Variants in ABCA4 observed in about 807,000 individuals in gnomAD.
ABCA4 encodes retinal-specific phospholipid-transporting ATPase ABCA4.
A neutral mutation model predicts 263.7 loss-of-function variants in ABCA4; 196 were observed. The ratio of observed to expected loss-of-function variants is 0.74; its 90% confidence interval spans 0.66 to 0.84. ABCA4 has a LOEUF of 0.84. Among genes scored for constraint, ABCA4 ranks in the 40% least tolerant of loss-of-function variants. The pLI is 0.00. For missense variants in ABCA4, 2,792 were observed against 2,855.1 expected (o/e 0.98, Z 0.50); for synonymous variants, 1,133 against 1,094.2 (o/e 1.04, Z -0.70).
At chr1:94,079,801 C>A (rs905483250) in intron 8 of ABCA4, among the ~76,000 whole-genome samples, 1 of 152,102 alleles carries the variant, frequency 6.6e-6, no homozygotes, top group Non-Finnish European at 1.5e-5. Context: ...CAAACAAGGC[C>A]CCCGCTTGGA....
chr1:94,002,660 G>A (rs553634141), intron 44 of ABCA4, among the ~76,000 whole-genome samples: 9 of 152,252 alleles, frequency 5.9e-5, no homozygotes, highest in East Asian at 1.9e-4. Flanking sequence ...CTAGTCCCCC[G>A]TGCCTGGAAT....
At chr1:94,005,382 C>T (rs770456874) in intron 44 of ABCA4, 59 bp downstream of exon 44, 196 of 1,608,300 alleles carry the variant, frequency 1.2e-4, no homozygotes, top group Non-Finnish European at 1.6e-4. Context: ...AATGCACTCT[C>T]ATGAAACAGG....
At chr1:94,094,215 CAA>C (rs1387735299) in intron 6 of ABCA4, among the ~76,000 whole-genome samples, 1 of 152,178 alleles carries the variant, frequency 6.6e-6, no homozygotes, top group Non-Finnish European at 1.5e-5. Flanking sequence ...AATCTGCAAC[CAA>C]TGACCCAGGA....
rs1338802362 is a variant in ABCA4, at chr1:94,046,986, T to C, written c.2851A>G (p.Ile951Val). 1.9e-6 allele frequency: 3 copies of C among 1,614,150 alleles called. No homozygotes were observed. Among genetic ancestry groups the C allele is most frequent in the South Asian group, 2.2e-5 (2 of 91,078 alleles). ...GTGATCTGGTTCTCGTAGAAGGTGA[T>C]GTTCAGACGGTCCACAGCTGGCCGG... ...CGRPAVDRLN[I>V]TFYENQITAF... The change falls in exon 19 of 50, where the codon ATC (isoleucine) becomes GTC (valine). Residue 951 changes from isoleucine (I) to valine (V), a missense_variant. Physicochemically the swap from Ile to Val is conservative, Grantham distance 29. Transcript: ENST00000370225.
intron 44 of ABCA4, 29 bp downstream of exon 44, chr1:94,005,412 C>T: frequency 6.2e-7 from 1 of 1,613,990 alleles, no homozygotes; most frequent in Non-Finnish European, 8.5e-7. Context: ...AACCAGACTC[C>T]TATGTGGCCA....
chr1:94,003,531 C>A (rs1387333648), intron 44 of ABCA4, among the ~76,000 whole-genome samples: 2 of 152,046 alleles, frequency 1.3e-5, no homozygotes, highest in East Asian at 3.8e-4. Flanking sequence ...ATTTTGATCA[C>A]CCAGTTAAGG....
At position 94,011,034 on chromosome 1, in the gene ABCA4, C is replaced by A. The variant is rs1247156828; in HGVS notation, c.5585-105G>T. ...GACCAGGCCTTATGTGGGAACTGAG[C>A]AAGAGCCAAACACCCGCCTCATAAG... On this transcript the variant is annotated intron_variant, in intron 39 of 49. Coordinates refer to ENST00000370225, the MANE Select transcript of ABCA4 (RefSeq NM_000350.3). The A allele has an allele frequency of 1.3e-5, 20 of 1,599,784 alleles. No individual in the cohort carries two copies. The East Asian group carries it at 2.2e-4, about 18-fold the overall frequency.
chr1:93,996,745 T>C (rs1264845530), intron 48 of ABCA4, among the ~76,000 whole-genome samples: 1 of 152,144 alleles, frequency 6.6e-6, no homozygotes, highest in African/African-American at 2.4e-5. Context: ...TATCAATGAA[T>C]GAATAGATGG....
chr1:93,993,622 G>A (rs1281310600), intron 49 of ABCA4, among the ~76,000 whole-genome samples: 2 of 152,160 alleles, frequency 1.3e-5, no homozygotes, highest in East Asian at 1.9e-4. Context: ...CCTAATTTAG[G>A]TCAGCCCTGA....
chr1:94,047,192 CTGCCCCTG>C, intron 18 of ABCA4, 99 bp from the exon 19 acceptor site: 1 of 1,360,224 alleles, frequency 7.4e-7, no homozygotes, highest in South Asian at 1.2e-5. Flanking sequence ...ATAACGTCAC[CTGCCCCTG>C]TGGCTTCGGC....
chr1:94,083,242 A>C, intron 7 of ABCA4, 110 bp downstream of exon 7: 1 of 1,003,062 alleles, frequency 1.0e-6, no homozygotes, highest in South Asian at 1.3e-5. Flanking sequence ...GAAAGATCAA[A>C]TGTACTTTTC....
chr1:94,106,674 T>G (rs1662445082), intron 4 of ABCA4, among the ~76,000 whole-genome samples: 4 of 152,292 alleles, frequency 2.6e-5, no homozygotes, highest in Middle Eastern at 3.4e-3. Context: ...AAATCTATGG[T>G]TTACTAGTTT....
chr1:94,044,265 C>A (rs1303692887), intron 20 of ABCA4, among the ~76,000 whole-genome samples: 2 of 152,172 alleles, frequency 1.3e-5, no homozygotes, highest in Non-Finnish European at 2.9e-5. Flanking sequence ...GTGGCTTCAA[C>A]AGGAAAAAGG....
intron 1 of ABCA4, among the ~76,000 whole-genome samples, chr1:94,119,016 G>A (rs541163515): frequency 4.6e-5 from 7 of 152,300 alleles, no homozygotes; most frequent in African/African-American, 1.2e-4. Flanking sequence ...AGAGAACAAT[G>A]GCATATTGGA....
At chr1:94,090,106 A>AC (rs1661931771) in intron 6 of ABCA4, among the ~76,000 whole-genome samples, 1 of 152,110 alleles carries the variant, frequency 6.6e-6, no homozygotes, top group South Asian at 2.1e-4. Flanking sequence ...TGTGGGGGAA[A>AC]CAGGAGTACC....
intron 47 of ABCA4, among the ~76,000 whole-genome samples, chr1:94,000,070 T>A (rs1659131466): frequency 6.6e-6 from 1 of 152,228 alleles, no homozygotes; most frequent in Admixed American, 6.5e-5. Flanking sequence ...TGTGGGTGCA[T>A]CAGGATTATG....
In ABCA4 at chr1:94,063,227, C is replaced by T. The variant is rs61748557; in HGVS notation, c.1645G>A (p.Ala549Thr). The T allele has an allele frequency of 1.2e-6, 2 of 1,614,116 alleles. No individual in the cohort carries two copies. The change falls in exon 12 of 50, where the codon GCC (alanine) becomes ACC (threonine). Residue 549 changes from alanine (A) to threonine (T), a missense_variant. Transcript: ENST00000370225. Reference sequence around the variant, plus strand: ...TACATGTCAGGGAATACCACTCCGGCCCAGAACATGTTTTCCTCCAGTAGA... The same window carrying T: ...TACATGTCAGGGAATACCACTCCGGTCCAGAACATGTTTTCCTCCAGTAGA... ...LSLLEENMFWAGVVFPDMYPW... is the reference protein window; with the variant it reads ...LSLLEENMFWTGVVFPDMYPW...
intron 20 of ABCA4, 28 bp from the exon 21 acceptor site, chr1:94,043,503 A>G: frequency 1.2e-6 from 2 of 1,614,054 alleles, no homozygotes; most frequent in Non-Finnish European, 1.7e-6. Context: ...CGAGAAAAGC[A>G]GTGGCTTAGC....
At chr1:94,045,403 A>G (rs1178652967) in intron 19 of ABCA4, among the ~76,000 whole-genome samples, 3 of 151,958 alleles carry the variant, frequency 2.0e-5, no homozygotes, top group Non-Finnish European at 2.9e-5. Context: ...ATACACTTAC[A>G]ACATTAGAAC....
Sources: allele counts gnomAD v4.1 joint callset (sites outside exome capture counted in the v4.1 genomes callset), GRCh38; gene constraint gnomAD v4.1.1; transcripts MANE v1.5; gene names NCBI Gene and HGNC (gene_info 2026-07-23, HGNC 2026-07-21).